TSPEAR: variants seen among roughly 807,000 people sequenced by gnomAD.
TSPEAR encodes the protein thrombospondin-type laminin G domain and EAR repeat-containing protein.
In TSPEAR, 69 loss-of-function variants were observed where a neutral mutation model predicts 71.6. That is an observed-to-expected ratio of 0.96 (90% CI 0.79 to 1.18). The LOEUF (loss-of-function observed/expected upper bound fraction) is 1.18. Among genes scored for constraint, TSPEAR ranks in the 50% most tolerant of loss-of-function variants. TSPEAR has a pLI of 0.00. For synonymous variants in TSPEAR, 402 were observed against 387.2 expected (o/e 1.04, Z -0.45); for missense variants, 971 against 894.9 (o/e 1.09, Z -1.09).
At chr21:44,639,727 C>T (rs1983915008) in intron 1 of TSPEAR, among the ~76,000 whole-genome samples, 1 of 152,170 alleles carries the variant, frequency 6.6e-6, no homozygotes, top group Non-Finnish European at 1.5e-5. Context: ...TCACTGTGCT[C>T]ACTGATGGCC....
chr21:44,612,805 C>A lies in TSPEAR; in HGVS notation c.83-44800G>T. The A allele has an allele frequency of 1.9e-6, 3 of 1,613,488 alleles. No homozygotes were observed. Among genetic ancestry groups the A allele is most frequent in the Non-Finnish European group, 2.5e-6 (3 of 1,179,958 alleles). On this transcript the variant is annotated intron_variant, in intron 1 of 11. Transcript: ENST00000323084. This position sits in a 1 kb window ranked among gnomAD's most constrained non-coding sequence, Gnocchi z 4.1. ...CCTGTTGTGTCCCTGCCTCCTCCTG[C>A]CAGCCCAGCTGCTGCCACCCGGCCT...
At chr21:44,659,556 A>G (rs1985377367) in intron 1 of TSPEAR, among the ~76,000 whole-genome samples, 1 of 152,234 alleles carries the variant, frequency 6.6e-6, no homozygotes, top group Non-Finnish European at 1.5e-5. Flanking sequence ...ATAAAAAATT[A>G]TAAGATATGC....
At chr21:44,691,990 T>C (rs1987141914) in intron 1 of TSPEAR, among the ~76,000 whole-genome samples, 1 of 152,172 alleles carries the variant, frequency 6.6e-6, no homozygotes, top group African/African-American at 2.4e-5. Context: ...TCCAACAGCA[T>C]ATTAAAAGGA....
chr21:44,529,616 G>A (rs587641256), intron 5 of TSPEAR, among the ~76,000 whole-genome samples, 182 bp downstream of exon 5: 1 of 152,248 alleles, frequency 6.6e-6, no homozygotes, highest in South Asian at 2.1e-4. Context: ...GGTGCCGCCT[G>A]CCTTCCTAGG....
chr21:44,608,457 T>G (rs1981450792), intron 1 of TSPEAR, among the ~76,000 whole-genome samples: 2 of 152,230 alleles, frequency 1.3e-5, no homozygotes, highest in Admixed American at 1.3e-4. Context: ...TTGTTTTTGT[T>G]TTCGTTACAA....
intron 2 of TSPEAR, 85 bp downstream of exon 2, chr21:44,567,700 C>G: frequency 1.6e-6 from 2 of 1,221,642 alleles, no homozygotes; most frequent in Non-Finnish European, 2.2e-6. Flanking sequence ...AATGCCGCCC[C>G]TCAACCTGTG....
intron 2 of TSPEAR, chr21:44,540,160 G>C (rs1555917055): frequency 1.2e-6 from 2 of 1,610,784 alleles, no homozygotes; most frequent in East Asian, 2.2e-5. Flanking sequence ...TGCTGGGGTG[G>C]GGAGGAGGTG....
At chr21:44,550,312 C>T (rs1236019860) in intron 2 of TSPEAR, 1 of 305,422 alleles carries the variant, frequency 3.3e-6, no homozygotes, top group African/African-American at 2.1e-5. Flanking sequence ...AGGCCCCACT[C>T]TGCCCCCTCC....
At chr21:44,666,963 C>A in intron 1 of TSPEAR, 1 of 1,503,974 alleles carries the variant, frequency 6.6e-7, no homozygotes, top group Non-Finnish European at 9.0e-7. Flanking sequence ...GCCTTTATAC[C>A]TGGGCCCAGG....
intron 2 of TSPEAR, chr21:44,539,101 G>T: frequency 1.1e-6 from 1 of 899,766 alleles, no homozygotes; most frequent in Non-Finnish European, 1.6e-6. Flanking sequence ...CAGGCAGGTG[G>T]GCACCTGCTG....
chr21:44,682,009 T>A, intron 1 of TSPEAR: 2 of 1,609,768 alleles, frequency 1.2e-6, no homozygotes, highest in Non-Finnish European at 1.7e-6. Flanking sequence ...GGCTTGAAGC[T>A]CACGGGCACG....
chr21:44,567,110 A>G (rs2053713361), intron 2 of TSPEAR, among the ~76,000 whole-genome samples: 2 of 152,224 alleles, frequency 1.3e-5, no homozygotes, highest in African/African-American at 4.8e-5. Context: ...CAAATCATAT[A>G]TCTGATAAGG....
At chr21:44,658,602 A>G (rs2838618) in intron 1 of TSPEAR, among the ~76,000 whole-genome samples, 116,980 of 152,084 alleles carry the variant, frequency 0.77, 45,508 homozygotes, top group African/African-American at 0.89. Flanking sequence ...TACCAACTTC[A>G]ATGGCAGCAG....
chr21:44,522,776 G>A (rs957627920), intron 8 of TSPEAR, among the ~76,000 whole-genome samples: 3 of 152,256 alleles, frequency 2.0e-5, no homozygotes, highest in South Asian at 2.1e-4. Context: ...CAGGAAACAA[G>A]GCCATGGAGG....
chr21:44,612,417 C>A lies in TSPEAR; in HGVS notation c.83-44412G>T, dbSNP rs141295608. ...TGCTGCCAGCAGTCTAGCTGCCAGC[C>A]GGCTTGCTGCACCTCCTCCCCCTGC... is the stretch of plus-strand genomic sequence containing the variant. On this transcript the variant is annotated intron_variant, in intron 1 of 11. Transcript: ENST00000323084. The surrounding 1 kb of genome is among the most constrained non-coding windows in gnomAD (Gnocchi z 4.1). 1 of 1,614,114 alleles carries A rather than the reference C, an allele frequency of 6.2e-7. No homozygotes were observed. The highest frequency in any genetic ancestry group is 2.2e-5 in the East Asian group (1 of 44,874).
At position 44,508,232 on chromosome 21, in the gene TSPEAR, A is replaced by G. The variant is rs7275583; in HGVS notation, c.1754+967T>C. On this transcript the variant is annotated intron_variant, in intron 10 of 11. Transcript: ENST00000323084. ...GCTCGCTCCTCCGCACTGGGGACAC[A>G]AGATTTCACTGCACCTCACCCAGCC... 527 of 156,790 alleles carry G rather than the reference A, an allele frequency of 3.4e-3. 6 individuals carry two copies. The highest frequency in any genetic ancestry group is 0.012 in the African/African-American group (499 of 41,626). 9.7% of individuals were successfully genotyped at this position (156,790 alleles called of 1,614,324 possible). A position where few individuals can be genotyped will look rare whatever the true frequency, so the allele number is the denominator to read the frequency against.
chr21:44,612,149 A>T lies in TSPEAR; in HGVS notation c.83-44144T>A. 6.2e-7 allele frequency: 1 copy of T among 1,613,954 alleles called. No homozygotes were observed. The highest frequency in any genetic ancestry group is 8.5e-7 in the Non-Finnish European group (1 of 1,179,970). On this transcript the variant is annotated intron_variant, in intron 1 of 11. Transcript: ENST00000323084. This position sits in a 1 kb window ranked among gnomAD's most constrained non-coding sequence, Gnocchi z 4.1. ...GACGTATGTGATTGCTGCATCCACC[A>T]TGTCTGTCTGCTCCAGTGACGTGGG...
chr21:44,633,223 C>A (rs1351685997), intron 1 of TSPEAR, among the ~76,000 whole-genome samples: 1 of 152,084 alleles, frequency 6.6e-6, no homozygotes, highest in South Asian at 2.1e-4. Context: ...TCTTTATTTG[C>A]TCCCTGTATT....
chr21:44,617,879 G>A (rs1177771577), intron 1 of TSPEAR, among the ~76,000 whole-genome samples: 1 of 152,192 alleles, frequency 6.6e-6, no homozygotes, highest in Non-Finnish European at 1.5e-5. Flanking sequence ...TCAGATATGT[G>A]TTTGCCTAAA....
Sources: gnomAD v4.1 joint callset for allele counts (sites outside exome capture counted in the v4.1 genomes callset) on GRCh38, gnomAD v4.1.1 for gene constraint, Gnocchi (gnomAD v3.1) non-coding constraint, MANE v1.5 for transcripts, NCBI Gene and HGNC (gene_info 2026-07-23, HGNC 2026-07-21) for gene names.